Variants in LYRM1 observed in about 807,000 individuals in gnomAD.
The protein encoded by LYRM1 is LYR motif-containing protein 1.
A neutral mutation model predicts 14.9 loss-of-function variants in LYRM1; 14 were observed. The observed-to-expected ratio is 0.94, with a 90% CI of 0.62 to 1.47. The LOEUF (loss-of-function observed/expected upper bound fraction) is 1.47, where lower values mean the gene tolerates loss of function less well. Ranked by LOEUF, LYRM1 falls within the 40% of genes most tolerant of loss-of-function variation. The probability of loss-of-function intolerance (pLI) is 0.00; values close to 1 mark genes in which losing one functional copy is unlikely to be tolerated. For synonymous variants in LYRM1, 43 were observed against 56.2 expected (o/e 0.77, Z 1.05); for missense variants, 153 against 149.9 (o/e 1.02, Z -0.11).
intron 3 of LYRM1, 128 bp downstream of exon 3, chr16:20,920,342 A>T: frequency 1.3e-6 from 1 of 743,982 alleles, no homozygotes; most frequent in Non-Finnish European, 2.4e-6. Context: ...GCATGTTGGA[A>T]ATAAGCTATC....
At chr16:20,912,937 G>A (rs1459034514) in intron 1 of LYRM1, among the ~76,000 whole-genome samples, 1 of 151,760 alleles carries the variant, frequency 6.6e-6, no homozygotes, top group East Asian at 1.9e-4. Flanking sequence ...GTGATGGTGC[G>A]CACCTGTAAT....
At chr16:20,920,313 C>G in intron 3 of LYRM1, 99 bp downstream of exon 3, 1 of 885,386 alleles carries the variant, frequency 1.1e-6, no homozygotes, top group South Asian at 1.3e-5. Context: ...TGCTGAGAAG[C>G]CCAGAGCTGC....
intron 1 of LYRM1, among the ~76,000 whole-genome samples, chr16:20,908,679 CA>C (rs1007720010): frequency 6.6e-6 from 1 of 152,212 alleles, no homozygotes; most frequent in African/African-American, 2.4e-5. Flanking sequence ...TTCAGGAATT[CA>C]GACTCAGAGA....
At chr16:20,915,140 G>C (rs2082807809) in intron 1 of LYRM1, among the ~76,000 whole-genome samples, 1 of 152,180 alleles carries the variant, frequency 6.6e-6, no homozygotes, top group South Asian at 2.1e-4. Flanking sequence ...TGTTGAGAAA[G>C]AGCAATTATT....
At chr16:20,918,463 G>A (rs968793360) in intron 2 of LYRM1, among the ~76,000 whole-genome samples, 1 of 152,122 alleles carries the variant, frequency 6.6e-6, no homozygotes, top group Admixed American at 6.6e-5. Flanking sequence ...TTAGACCACA[G>A]TTTCACAAAT....
intron 2 of LYRM1, among the ~76,000 whole-genome samples, chr16:20,919,008 A>T (rs905505145): frequency 6.6e-6 from 1 of 152,214 alleles, no homozygotes. Context: ...TCTGGTGCTG[A>T]TGCAATCCTA....
Position 20,915,610 on chromosome 16 carries a change from C to T in LYRM1, c.55C>T (p.Leu19Phe). Residue 19 changes from leucine to phenylalanine, a missense_variant, in exon 2 of 4, where the codon CTT (leucine) becomes TTT (phenylalanine). Coordinates refer to ENST00000567954, the MANE Select transcript of LYRM1 (RefSeq NM_001128302.3). Reference protein sequence around the residue: ...VLGLYRSIFRLARKWQATSGQ... With the variant: ...VLGLYRSIFRFARKWQATSGQ... ...TGGCCTCTACCGCAGCATTTTCAGG[C>T]TTGCGAGGAAATGGCAGGCGACATC... The T allele has an allele frequency of 6.2e-7, 1 of 1,614,068 alleles. No homozygotes were observed. Among genetic ancestry groups the T allele is most frequent in the Non-Finnish European group, 8.5e-7 (1 of 1,180,016 alleles).
Position 20,912,867 on chromosome 16 carries a change from G to T in LYRM1, c.1-2689G>T, listed in dbSNP as rs1048937318. ...GGATCATCTGAGGTCAGGAGCTCGA[G>T]ACCAGCCTGACCAACATGGTGAAAC... On this transcript the variant is annotated intron_variant, in intron 1 of 3. Transcript: ENST00000567954. 2.6e-4 allele frequency among the ~76,000 whole-genome samples: 40 copies of T among 151,886 alleles called. No individual in the cohort carries two copies. The Middle Eastern group carries it at 0.01, about 39-fold the overall frequency.
intron 3 of LYRM1, among the ~76,000 whole-genome samples, chr16:20,923,624 A>T (rs1249270428): frequency 6.6e-6 from 1 of 152,012 alleles, no homozygotes; most frequent in East Asian, 1.9e-4. Flanking sequence ...TTATATACAC[A>T]CACTTTTCTC....
At chr16:20,910,006 A>G (rs2082508873) in intron 1 of LYRM1, among the ~76,000 whole-genome samples, 3 of 152,206 alleles carry the variant, frequency 2.0e-5, no homozygotes, top group Non-Finnish European at 4.4e-5. Flanking sequence ...GAGAAGGTTC[A>G]ACAGAGAGCC....
intron 1 of LYRM1, among the ~76,000 whole-genome samples, chr16:20,905,375 C>G (rs2082270470): frequency 6.6e-6 from 1 of 152,138 alleles, no homozygotes; most frequent in African/African-American, 2.4e-5. Flanking sequence ...TCAAACCCAG[C>G]CTTGTCCGCC....
At chr16:20,920,331 G>A in intron 3 of LYRM1, 117 bp downstream of exon 3, 1 of 788,730 alleles carries the variant, frequency 1.3e-6, no homozygotes, top group South Asian at 1.4e-5. Flanking sequence ...TGCTGTGGGA[G>A]GCATGTTGGA....
At chr16:20,923,900 A>C (rs1363312394) in intron 3 of LYRM1, 100 bp from the exon 4 acceptor site, 1 of 657,418 alleles carries the variant, frequency 1.5e-6, no homozygotes, top group Non-Finnish European at 2.7e-6. Context: ...TAGATACAGC[A>C]CTTAGCAGAG....
At chr16:20,910,048 A>G (rs763518862) in intron 1 of LYRM1, among the ~76,000 whole-genome samples, 1 of 152,134 alleles carries the variant, frequency 6.6e-6, no homozygotes, top group Non-Finnish European at 1.5e-5. Flanking sequence ...AAGCAGGAAG[A>G]TTTTCTGAGA....
chr16:20,916,928 G>A (rs2082931451), intron 2 of LYRM1, among the ~76,000 whole-genome samples: 1 of 152,126 alleles, frequency 6.6e-6, no homozygotes, highest in African/African-American at 2.4e-5. Context: ...TGGGAAAAGT[G>A]CTACAAAGGC....
intron 1 of LYRM1, among the ~76,000 whole-genome samples, chr16:20,906,707 A>G (rs2082337147): frequency 6.6e-6 from 1 of 152,204 alleles, no homozygotes; most frequent in Admixed American, 6.5e-5. Flanking sequence ...GGGAATTTTC[A>G]TCTCTGCTCT....
intron 2 of LYRM1, among the ~76,000 whole-genome samples, chr16:20,916,721 C>T (rs1218531547): frequency 6.6e-6 from 1 of 152,208 alleles, no homozygotes; most frequent in Non-Finnish European, 1.5e-5. Flanking sequence ...AGTGCCTCCC[C>T]TTCCCCACTG....
At chr16:20,906,643 A>G (rs1255445326) in intron 1 of LYRM1, among the ~76,000 whole-genome samples, 4 of 152,232 alleles carry the variant, frequency 2.6e-5, no homozygotes, top group Non-Finnish European at 4.4e-5. Context: ...AGCATTTGGA[A>G]TTTGGACATT....
intron 1 of LYRM1, among the ~76,000 whole-genome samples, chr16:20,908,862 G>C (rs2082449265): frequency 6.6e-6 from 1 of 152,206 alleles, no homozygotes; most frequent in Admixed American, 6.5e-5. Context: ...ACAGACAGAA[G>C]TATGACATGG....
Sources: gnomAD v4.1 joint callset for allele counts (sites outside exome capture counted in the v4.1 genomes callset) on GRCh38, gnomAD v4.1.1 for gene constraint, MANE v1.5 for transcripts, NCBI Gene and HGNC (gene_info 2026-07-23, HGNC 2026-07-21) for gene names.